The following ANK2 variants were observed in gnomAD, a reference collection of about 807,000 sequenced individuals.
The protein encoded by ANK2 is ankyrin-2.
A neutral mutation model predicts 360.5 loss-of-function variants in ANK2; 83 were observed. That is an observed-to-expected ratio of 0.23 (90% CI 0.19 to 0.28). The LOEUF is 0.28. Ranked by LOEUF, ANK2 falls within the 10% of genes least tolerant of loss-of-function variation. The pLI is 1.00. For synonymous variants in ANK2, 1,740 were observed against 1,759.5 expected (o/e 0.99, Z 0.28); for missense variants, 4,201 against 4,795.7 (o/e 0.88, Z 3.66).
the ANK2 span, among the ~76,000 whole-genome samples, chr4:112,720,961 T>A: frequency 6.6e-6 from 1 of 152,192 alleles, no homozygotes; most frequent in Non-Finnish European, 1.5e-5. Flanking sequence ...TACTATGGAA[T>A]GATCTCAGTA....
At chr4:113,359,436 GC>G in intron 38 of ANK2, 137 bp downstream of exon 38, 1 of 1,112,788 alleles carries the variant, frequency 9.0e-7, no homozygotes, top group Middle Eastern at 2.9e-4. Context: ...GTTTGTGTAA[GC>G]CCTTTGTGTT....
the ANK2 span, among the ~76,000 whole-genome samples, chr4:112,745,456 T>C: frequency 6.6e-6 from 1 of 152,132 alleles, no homozygotes; most frequent in Admixed American, 6.5e-5. Flanking sequence ...CCAATTATGC[T>C]CTTTTAGTTA....
At chr4:113,278,762 C>G (rs1311404944) in intron 17 of ANK2, among the ~76,000 whole-genome samples, 1 of 151,920 alleles carries the variant, frequency 6.6e-6, no homozygotes, top group Admixed American at 6.6e-5. Context: ...TAAGAGTCAG[C>G]AAATATTAAG....
intron 2 of ANK2, among the ~76,000 whole-genome samples, chr4:112,986,138 CAG>C: frequency 6.7e-6 from 1 of 149,890 alleles, no homozygotes; most frequent in East Asian, 1.9e-4. Flanking sequence ...TTCATAGAAT[CAG>C]AGAATTCAAA....
intron 2 of ANK2, among the ~76,000 whole-genome samples, chr4:112,976,435 C>T (rs2041446561): frequency 6.6e-6 from 1 of 152,112 alleles, no homozygotes; most frequent in South Asian, 2.1e-4. Flanking sequence ...CTCATGTGAT[C>T]CTCCCACCTT....
chr4:112,720,752 ATAAT>A, the ANK2 span, among the ~76,000 whole-genome samples: 59 of 152,352 alleles, frequency 3.9e-4, 1 homozygote, highest in Admixed American at 3.7e-3. Flanking sequence ...TGTGCTTTTA[ATAAT>A]TAAGGTATTT....
intron 1 of ANK2, among the ~76,000 whole-genome samples, chr4:112,886,417 G>A (rs180899722): frequency 6.6e-6 from 1 of 151,996 alleles, no homozygotes; most frequent in Admixed American, 6.5e-5. Flanking sequence ...GTAATCCCAG[G>A]ACTTAGGGAG....
chr4:113,207,569 A>G (rs756843151), intron 4 of ANK2, among the ~76,000 whole-genome samples: 5 of 151,970 alleles, frequency 3.3e-5, no homozygotes, highest in Non-Finnish European at 7.4e-5. Context: ...GTACTGTAGC[A>G]TTCTGCTTCT....
chr4:112,990,255 T>A (rs920447428), intron 2 of ANK2, among the ~76,000 whole-genome samples: 1 of 151,930 alleles, frequency 6.6e-6, no homozygotes, highest in Non-Finnish European at 1.5e-5. Context: ...GGTGACAGAG[T>A]GAGACCCTGT....
intron 10 of ANK2, among the ~76,000 whole-genome samples, chr4:113,251,830 A>T (rs1314402391): frequency 1.3e-5 from 2 of 152,044 alleles, no homozygotes; most frequent in Admixed American, 1.3e-4. Flanking sequence ...AGTGGGCATG[A>T]TAGAAAAAAA....
At chr4:113,320,209 GTAGT>G (rs1359102599) in intron 26 of ANK2, among the ~76,000 whole-genome samples, 2 of 152,230 alleles carry the variant, frequency 1.3e-5, no homozygotes, top group East Asian at 1.9e-4. Context: ...ACAGCATCCA[GTAGT>G]TAAAGATGAA....
At chr4:113,289,460 C>T (rs2153734658) in intron 20 of ANK2, among the ~76,000 whole-genome samples, 1 of 152,202 alleles carries the variant, frequency 6.6e-6, no homozygotes, top group African/African-American at 2.4e-5. Context: ...ATTCTCCCAC[C>T]TTGGCCAACC....
At position 113,352,560 on chromosome 4, in the gene ANK2, G is replaced by T. The variant is rs561695982; in HGVS notation, c.4427-485G>T. On this transcript the variant is annotated intron_variant, in intron 37 of 45. Coordinates refer to ENST00000357077, the MANE Select transcript of ANK2 (RefSeq NM_001148.6). ...TATACATCATTAGATGTTATTCTGA[G>T]CTTGCTACTACTGGCTTTCTCCTAG... is the stretch of plus-strand genomic sequence containing the variant. Among the ~76,000 whole-genome samples the T allele has an allele frequency of 2.1e-4, 32 of 152,154 alleles. No individual in the cohort carries two copies. In the South Asian group the frequency reaches 6.0e-3, roughly 29 times the overall value.
At chr4:112,942,489 TCACAACAA>T (rs1467399549) in intron 2 of ANK2, among the ~76,000 whole-genome samples, 1 of 152,094 alleles carries the variant, frequency 6.6e-6, no homozygotes, top group Non-Finnish European at 1.5e-5. Context: ...CTGGGCAAAC[TCACAACAA>T]GCAAGGGGTG....
chr4:113,359,705 G>A (rs10516595), intron 38 of ANK2, among the ~76,000 whole-genome samples: 20,947 of 151,888 alleles, frequency 0.14, 2,868 homozygotes, highest in African/African-American at 0.36. Flanking sequence ...TCTTATCTTC[G>A]CATACTTTAA....
intron 2 of ANK2, among the ~76,000 whole-genome samples, chr4:112,958,189 G>A (rs2031998542): frequency 1.3e-5 from 2 of 152,066 alleles, no homozygotes; most frequent in South Asian, 4.1e-4. Context: ...TTCCCAGACG[G>A]GGTGGCGGCC....
At chr4:112,917,567 G>A (rs2090254741) in intron 2 of ANK2, among the ~76,000 whole-genome samples, 2 of 152,210 alleles carry the variant, frequency 1.3e-5, no homozygotes. Context: ...AAGTGGCAGT[G>A]ACAATAAACC....
intron 2 of ANK2, among the ~76,000 whole-genome samples, chr4:112,965,407 C>G (rs1400757212): frequency 6.6e-6 from 1 of 151,802 alleles, no homozygotes; most frequent in Non-Finnish European, 1.5e-5. Context: ...GGTTATTAAT[C>G]TCTTGTAAGG....
intron 17 of ANK2, among the ~76,000 whole-genome samples, chr4:113,279,760 A>G: frequency 6.6e-6 from 1 of 150,422 alleles, no homozygotes; most frequent in Admixed American, 6.6e-5. Flanking sequence ...ACATCTACAT[A>G]TATTTATATC....
Sources: allele counts gnomAD v4.1 joint callset (sites outside exome capture counted in the v4.1 genomes callset), GRCh38; gene constraint gnomAD v4.1.1; transcripts MANE v1.5; gene names NCBI Gene and HGNC (gene_info 2026-07-23, HGNC 2026-07-21).